The following PBX3 variants were observed in gnomAD, a reference collection of about 807,000 sequenced individuals.
The protein encoded by PBX3 is PBX homeobox 3, also known as pre-B-cell leukemia transcription factor 3.
PBX3 carries 14 observed loss-of-function variants against 48.5 expected under a neutral mutation model. That is an observed-to-expected ratio of 0.29 (90% CI 0.19 to 0.45). PBX3 has a LOEUF of 0.45. PBX3 is among the 20% of genes least tolerant of loss of function. PBX3 has a pLI of 1.00. For synonymous variants in PBX3, 210 were observed against 200.3 expected (o/e 1.05, Z -0.41); for missense variants, 386 against 546.7 (o/e 0.71, Z 2.93).
chr9:125,947,353 A>G (rs1050802177), intron 5 of PBX3, among the ~76,000 whole-genome samples: 1 of 152,144 alleles, frequency 6.6e-6, no homozygotes, highest in Non-Finnish European at 1.5e-5. Flanking sequence ...CACAACAATA[A>G]TGCCTTATAA....
Position 125,781,771 on chromosome 9 carries a change from T to G in PBX3, c.274+33148T>G, listed in dbSNP as rs530205852. Reference sequence around the variant, plus strand: ...ATGTTTTCTTCTTTTTCTAGTTCTTTAAGGTATAAAGTTAGGTTATTGATT... The same window carrying G: ...ATGTTTTCTTCTTTTTCTAGTTCTTGAAGGTATAAAGTTAGGTTATTGATT... On this transcript the variant is annotated intron_variant, in intron 2 of 8. Transcript: ENST00000373489. 2.6e-5 allele frequency among the ~76,000 whole-genome samples: 4 copies of G among 152,346 alleles called. No individual in the cohort carries two copies. The South Asian group carries it at 8.3e-4, about 32-fold the overall frequency.
intron 2 of PBX3, among the ~76,000 whole-genome samples, chr9:125,914,876 C>A (rs959381219): frequency 1.3e-5 from 2 of 152,162 alleles, no homozygotes; most frequent in African/African-American, 4.8e-5. Context: ...GCCTGTGTGA[C>A]CTGATTAAAC....
At chr9:125,843,006 C>G (rs990293877) in intron 2 of PBX3, among the ~76,000 whole-genome samples, 2 of 152,006 alleles carry the variant, frequency 1.3e-5, no homozygotes, top group South Asian at 2.1e-4. Flanking sequence ...CCTTGGTTTT[C>G]ACGATAAAGA....
chr9:125,819,713 A>T (rs936369791), intron 2 of PBX3, among the ~76,000 whole-genome samples: 1 of 152,030 alleles, frequency 6.6e-6, no homozygotes, highest in African/African-American at 2.4e-5. Flanking sequence ...CCAGTGTTTT[A>T]TATATATATA....
intron 2 of PBX3, among the ~76,000 whole-genome samples, chr9:125,906,311 C>T (rs766473837): frequency 3.9e-5 from 6 of 152,008 alleles, no homozygotes; most frequent in East Asian, 1.9e-4. Flanking sequence ...ACCCTCATGC[C>T]GTATTTACTA....
chr9:125,963,001 C>T lies in PBX3; in HGVS notation c.1123-11C>T, dbSNP rs373403697. The T allele has an allele frequency of 3.2e-6, 5 of 1,540,014 alleles. No homozygotes were observed. The African/African-American group carries it at 6.8e-5, about 21-fold the overall frequency. Reference sequence around the variant, plus strand: ...TTTGGGATGATGAATTTTGTTTTGTCTCACTTCTAGGTGGATACCCTCCGT... The same window carrying T: ...TTTGGGATGATGAATTTTGTTTTGTTTCACTTCTAGGTGGATACCCTCCGT... On this transcript the variant is annotated splice_polypyrimidine_tract_variant and intron_variant, in intron 7 of 8. Coordinates refer to ENST00000373489, the MANE Select transcript of PBX3 (RefSeq NM_006195.6).
chr9:125,777,655 CGCCCA>C (rs1837113716), intron 2 of PBX3, among the ~76,000 whole-genome samples: 1 of 151,964 alleles, frequency 6.6e-6, no homozygotes, highest in Non-Finnish European at 1.5e-5. Context: ...TGAGCCACCA[CGCCCA>C]GCCTAATTAT....
intron 2 of PBX3, among the ~76,000 whole-genome samples, chr9:125,824,986 T>A (rs940559929): frequency 1.3e-5 from 2 of 152,130 alleles, no homozygotes; most frequent in Non-Finnish European, 2.9e-5. Context: ...CATTTAAAAT[T>A]AAAAATAATT....
chr9:125,929,942 T>C, intron 4 of PBX3, 97 bp downstream of exon 4: 1 of 906,404 alleles, frequency 1.1e-6, no homozygotes. Context: ...TTAGATTCTT[T>C]TGGCCATATG....
chr9:125,955,517 G>A (rs1842287213), intron 5 of PBX3, among the ~76,000 whole-genome samples: 2 of 152,218 alleles, frequency 1.3e-5, no homozygotes, highest in South Asian at 4.1e-4. Flanking sequence ...GAGATCAAAA[G>A]TTTCTGGGAT....
chr9:125,780,619 G>C (rs1416954751), intron 2 of PBX3, among the ~76,000 whole-genome samples: 1 of 137,188 alleles, frequency 7.3e-6, no homozygotes, highest in Non-Finnish European at 1.6e-5. Context: ...CCTCCCGGAC[G>C]GGGCGGCTGG....
At chr9:125,813,433 C>G (rs1838356747) in intron 2 of PBX3, among the ~76,000 whole-genome samples, 1 of 152,182 alleles carries the variant, frequency 6.6e-6, no homozygotes, top group South Asian at 2.1e-4. Flanking sequence ...TTGACCAAAA[C>G]ATCATTATGC....
chr9:125,847,762 T>A lies in PBX3; in HGVS notation c.275-67924T>A, dbSNP rs113808129. Among the ~76,000 whole-genome samples, 434 of 151,644 alleles carry A rather than the reference T, an allele frequency of 2.9e-3. 2 individuals are homozygous for A. The highest frequency in any genetic ancestry group is 9.9e-3 in the African/African-American group (409 of 41,406). ...TGTGTTTCAAATGAGCAAAATATGG[T>A]CTAGGGACTGAATCTTCTATAGTAG... On this transcript the variant is annotated intron_variant, in intron 2 of 8. Transcript: ENST00000373489.
intron 2 of PBX3, among the ~76,000 whole-genome samples, chr9:125,794,693 C>T (rs1287381486): frequency 7.7e-6 from 1 of 129,664 alleles, no homozygotes; most frequent in South Asian, 2.7e-4. Flanking sequence ...GTAGGAGACT[C>T]ATGGCTGTTT....
chr9:125,880,866 T>C (rs2132349856), intron 2 of PBX3, among the ~76,000 whole-genome samples: 1 of 152,338 alleles, frequency 6.6e-6, no homozygotes, highest in East Asian at 1.9e-4. Flanking sequence ...GGTGTACATT[T>C]TTTGTGCAAT....
At chr9:125,929,251 GT>G (rs889429647) in intron 3 of PBX3, among the ~76,000 whole-genome samples, 22 of 152,228 alleles carry the variant, frequency 1.4e-4, no homozygotes. Context: ...ACTGGCAAGA[GT>G]TTGAACTTTG....
intron 3 of PBX3, among the ~76,000 whole-genome samples, chr9:125,928,392 A>ATGTGTGTGTGTGTGTGTGTGTGTG (rs112869741): frequency 2.1e-5 from 3 of 140,282 alleles, no homozygotes; most frequent in South Asian, 4.5e-4. Context: ...GGGGAAACAA[A>ATGTGTGTGTGTGTGTGTGTGTGTG]TGTGTGTGTG....
At chr9:125,856,171 T>C (rs2132275039) in intron 2 of PBX3, among the ~76,000 whole-genome samples, 1 of 152,240 alleles carries the variant, frequency 6.6e-6, no homozygotes, top group East Asian at 1.9e-4. Context: ...ACGAACAATC[T>C]CAGATGAGAG....
At chr9:125,839,070 A>C (rs1839216764) in intron 2 of PBX3, among the ~76,000 whole-genome samples, 1 of 152,126 alleles carries the variant, frequency 6.6e-6, no homozygotes. Flanking sequence ...CAGTTTCACT[A>C]TTTCCCAGTT....
Sources: allele counts gnomAD v4.1 joint callset (sites outside exome capture counted in the v4.1 genomes callset), GRCh38; gene constraint gnomAD v4.1.1; transcripts MANE v1.5; gene names NCBI Gene and HGNC (gene_info 2026-07-23, HGNC 2026-07-21).